The following EIF4E3 variants were observed in gnomAD, a reference collection of about 807,000 sequenced individuals.
The protein encoded by EIF4E3 is eukaryotic translation initiation factor 4E family member 3, also known as eukaryotic translation initiation factor 4E type 3.
EIF4E3 carries 26 observed loss-of-function variants against 31.7 expected under a neutral mutation model. The ratio of observed to expected loss-of-function variants is 0.82; its 90% confidence interval spans 0.60 to 1.14. The LOEUF is 1.14. Among genes scored for constraint, EIF4E3 ranks in the 50% most tolerant of loss-of-function variants. The pLI is 0.00. For missense variants in EIF4E3, 304 were observed against 270.9 expected (o/e 1.12, Z -0.86); for synonymous variants, 128 against 107.7 (o/e 1.19, Z -1.17).
At chr3:71,754,127 C>A, upstream of EIF4E3, 2 of 1,443,444 alleles carry the variant, frequency 1.4e-6, no homozygotes, top group South Asian at 1.2e-5. This position sits in a 1 kb window ranked among gnomAD's most constrained non-coding sequence, Gnocchi z 5.8. Context: ...CCACGCTCAG[C>A]CTGCTGCTGT....
intron 1 of EIF4E3, among the ~76,000 whole-genome samples, chr3:71,734,589 A>C (rs897195512): frequency 6.6e-6 from 1 of 152,202 alleles, no homozygotes; most frequent in Non-Finnish European, 1.5e-5. Flanking sequence ...TTCTGAGGGA[A>C]AATCATTAAT....
intron 1 of EIF4E3, among the ~76,000 whole-genome samples, chr3:71,749,663 C>T (rs57181874): frequency 2.2e-3 from 327 of 151,682 alleles, no homozygotes; most frequent in African/African-American, 7.3e-3. Context: ...ACCATCTATA[C>T]GTACATCAAA....
At chr3:71,754,511 G>A, upstream of EIF4E3, 5 of 1,292,960 alleles carry the variant, frequency 3.9e-6, no homozygotes, top group Non-Finnish European at 3.9e-6. This position sits in a 1 kb window ranked among gnomAD's most constrained non-coding sequence, Gnocchi z 5.8. Context: ...CGCTGGCCGC[G>A]GCCTTCCCGC....
At chr3:71,710,307 A>G in intron 2 of EIF4E3, 105 bp downstream of exon 2, 2 of 1,311,898 alleles carry the variant, frequency 1.5e-6, no homozygotes, top group Non-Finnish European at 2.2e-6. Context: ...ACTCCAGAGC[A>G]GAACCCTGGA....
chr3:71,709,249 T>C (rs1323089154), intron 2 of EIF4E3, among the ~76,000 whole-genome samples: 2 of 152,206 alleles, frequency 1.3e-5, no homozygotes, highest in Non-Finnish European at 2.9e-5. Context: ...TATGGACATA[T>C]GGTCAATGCA....
chr3:71,668,010 A>G, the EIF4E3 span, among the ~76,000 whole-genome samples: 1 of 152,200 alleles, frequency 6.6e-6, no homozygotes, highest in African/African-American at 2.4e-5. Context: ...ACTATACTAC[A>G]AGTCTACAGT....
At chr3:71,753,780 G>A (rs955121856), upstream of EIF4E3, among the ~76,000 whole-genome samples, 200 of 148,744 alleles carry the variant, frequency 1.3e-3, no homozygotes, top group African/African-American at 4.5e-3. Flanking sequence ...GCTGCGGACG[G>A]TGGCGAGGCC....
chr3:71,703,811 CAAA>C lies in EIF4E3; in HGVS notation c.250-4106_250-4104del, dbSNP rs370789059. ...ACAAAACCACCCAGCAAACACACAT[CAAA>C]AAAAAAAAAAAAAAAAAAAAATTCC... On this transcript the variant is annotated intron_variant, in intron 2 of 6. Coordinates refer to ENST00000425534, the MANE Select transcript of EIF4E3 (RefSeq NM_001134651.2). Among the ~76,000 whole-genome samples the C allele has an allele frequency of 1.2e-4, 9 of 72,422 alleles. No individual in the cohort carries two copies. In the East Asian group the frequency reaches 2.9e-3, roughly 23 times the overall value. The allele number at this position is 72,422 out of a possible 152,430, so 47.5% of individuals were successfully genotyped here. A position where few individuals can be genotyped will look rare whatever the true frequency, so the allele number is the denominator to read the frequency against.
intron 6 of EIF4E3, among the ~76,000 whole-genome samples, chr3:71,685,195 A>C (rs921156789): frequency 2.0e-5 from 3 of 152,134 alleles, no homozygotes; most frequent in African/African-American, 7.2e-5. Flanking sequence ...GACAGCAATT[A>C]TATCTAGGTG....
intron 1 of EIF4E3, among the ~76,000 whole-genome samples, chr3:71,750,130 A>G (rs546785820): frequency 1.3e-5 from 2 of 152,328 alleles, no homozygotes; most frequent in East Asian, 3.9e-4. Context: ...AGGAATTAAT[A>G]ATGTCTCTTC....
rs1414708671 is a variant in EIF4E3 at position 71,725,142 on chromosome 3, C to A, written c.176+50G>T. On this transcript the variant is annotated intron_variant, in intron 1 of 6. Coordinates refer to ENST00000425534, the MANE Select transcript of EIF4E3 (RefSeq NM_001134651.2). This position sits in a 1 kb window ranked among gnomAD's most constrained non-coding sequence, Gnocchi z 6.1. Reference sequence around the variant, plus strand: ...CCGCGCCGAGACAAAGCGGCGGTGGCGGCAGGACCCGGGTCGGGGCCGTGC... The same window carrying A: ...CCGCGCCGAGACAAAGCGGCGGTGGAGGCAGGACCCGGGTCGGGGCCGTGC... The A allele has an allele frequency of 3.9e-6, 4 of 1,032,868 alleles. No homozygotes were observed. The African/African-American group carries it at 6.9e-5, about 18-fold the overall frequency. The allele number at this position is 1,032,868 out of a possible 1,614,324, so 64.0% of individuals were successfully genotyped here. A position where few individuals can be genotyped will look rare whatever the true frequency, so the allele number is the denominator to read the frequency against.
chr3:71,752,286 A>G (rs2049937414), intron 1 of EIF4E3, among the ~76,000 whole-genome samples: 1 of 152,132 alleles, frequency 6.6e-6, no homozygotes, highest in Admixed American at 6.5e-5. Flanking sequence ...GCACATAGTG[A>G]AGTTTGAGGC....
At chr3:71,696,624 T>G (rs961934174) in intron 3 of EIF4E3, 104 bp from the exon 4 acceptor site, 1 of 1,331,402 alleles carries the variant, frequency 7.5e-7, no homozygotes, top group East Asian at 2.4e-5. Context: ...ACAGATGACC[T>G]TAAAAACAAA....
At chr3:71,659,796 G>A in the EIF4E3 span, among the ~76,000 whole-genome samples, 4 of 152,146 alleles carry the variant, frequency 2.6e-5, no homozygotes, top group Non-Finnish European at 4.4e-5. Context: ...ATTTGAGTAC[G>A]AGATAGTCAC....
intron 1 of EIF4E3, among the ~76,000 whole-genome samples, chr3:71,719,535 G>GA (rs1007923173): frequency 3.2e-3 from 406 of 126,136 alleles, no homozygotes; most frequent in Middle Eastern, 7.9e-3. Flanking sequence ...CCTTTCTGAT[G>GA]AAAAAAAAAA....
chr3:71,687,755 C>CA (rs1240395836), intron 6 of EIF4E3, among the ~76,000 whole-genome samples: 1 of 152,204 alleles, frequency 6.6e-6, no homozygotes, highest in Non-Finnish European at 1.5e-5. Flanking sequence ...CGCTAGAGGC[C>CA]ATGACTGAAT....
At chr3:71,732,925 G>A (rs553337912) in intron 1 of EIF4E3, among the ~76,000 whole-genome samples, 2 of 152,192 alleles carry the variant, frequency 1.3e-5, no homozygotes, top group Non-Finnish European at 2.9e-5. Flanking sequence ...AGTGCTGCCT[G>A]AAGGATCAAA....
At chr3:71,662,978 C>T in the EIF4E3 span, among the ~76,000 whole-genome samples, 1 of 152,212 alleles carries the variant, frequency 6.6e-6, no homozygotes, top group East Asian at 1.9e-4. Context: ...GCATCTGGGG[C>T]TAATTCTTCA....
intron 1 of EIF4E3, among the ~76,000 whole-genome samples, chr3:71,734,605 C>T (rs1396321909): frequency 6.6e-6 from 1 of 151,768 alleles, no homozygotes; most frequent in Non-Finnish European, 1.5e-5. Context: ...TTAATAAAAC[C>T]AAACTCCTTA....
Sources: gnomAD v4.1 joint callset for allele counts (sites outside exome capture counted in the v4.1 genomes callset) on GRCh38, gnomAD v4.1.1 for gene constraint, Gnocchi (gnomAD v3.1) non-coding constraint, MANE v1.5 for transcripts, NCBI Gene and HGNC (gene_info 2026-07-23, HGNC 2026-07-21) for gene names.